Variants in VPS50 observed in about 807,000 individuals in gnomAD.
VPS50 encodes the protein VPS50 subunit of EARP/GARPII complex, also known as syndetin.
VPS50 carries 70 observed loss-of-function variants against 139.7 expected under a neutral mutation model. The ratio of observed to expected loss-of-function variants is 0.50; its 90% confidence interval spans 0.41 to 0.61. The LOEUF is 0.61. Ranked by LOEUF, VPS50 falls within the 20% of genes least tolerant of loss-of-function variation. The probability of loss-of-function intolerance (pLI) is 0.00; values close to 1 mark genes in which losing one functional copy is unlikely to be tolerated. For missense variants in VPS50, 921 were observed against 1,133.7 expected, an observed-to-expected ratio of 0.81 and a Z score of 2.69; for synonymous variants, 365 against 376.7, an observed-to-expected ratio of 0.97 and a Z score of 0.36.
chr7:93,296,733 G>T lies in VPS50; in HGVS notation c.1168-9G>T. The T allele has an allele frequency of 6.3e-7, 1 of 1,598,952 alleles. No homozygotes were observed. ...GGTTTGCTTGATTTTCTTTTTCTTT[G>T]CCTTACAGGATGTTCAGCTAAAAGT... On this transcript the variant is annotated splice_polypyrimidine_tract_variant and intron_variant, in intron 14 of 27. Transcript: ENST00000305866.
intron 18 of VPS50, among the ~76,000 whole-genome samples, chr7:93,307,936 T>C (rs1316819296): frequency 1.3e-5 from 2 of 151,948 alleles, no homozygotes; most frequent in African/African-American, 4.8e-5. Context: ...TTCCATGTTG[T>C]TATCATACTG....
intron 9 of VPS50, among the ~76,000 whole-genome samples, chr7:93,265,919 C>G (rs556952467): frequency 2.6e-4 from 40 of 152,254 alleles, no homozygotes; most frequent in African/African-American, 8.7e-4. Context: ...AGACAGACAT[C>G]TAGTTAGATC....
chr7:93,271,407 A>G, intron 10 of VPS50, 145 bp downstream of exon 10: 1 of 1,292,296 alleles, frequency 7.7e-7, no homozygotes, highest in African/African-American at 1.5e-5. Context: ...TGGAATATCT[A>G]TTTATGGTCA....
In VPS50 at chr7:93,274,591, A is replaced by G. The variant is rs1221823564; in HGVS notation, c.802-1574A>G. On this transcript the variant is annotated intron_variant, in intron 11 of 27. Transcript: ENST00000305866. ...ATTTCTGTCTATTGACAATGTACCT[A>G]GTCCCCCATGACTTTGATGGAGATA... is the stretch of plus-strand genomic sequence containing the variant. Among the ~76,000 whole-genome samples, 4 of 152,134 alleles carry G rather than the reference A, an allele frequency of 2.6e-5. No homozygotes were observed. In the East Asian group the frequency reaches 7.7e-4, roughly 29 times the overall value.
intron 22 of VPS50, among the ~76,000 whole-genome samples, chr7:93,339,608 A>T (rs1798158647): frequency 6.6e-6 from 1 of 152,120 alleles, no homozygotes. Flanking sequence ...TTTGCATTTA[A>T]ACATTTAGTT....
intron 21 of VPS50, among the ~76,000 whole-genome samples, chr7:93,326,443 A>G (rs1284590533): frequency 1.5e-5 from 2 of 130,826 alleles, no homozygotes; most frequent in Non-Finnish European, 3.2e-5. Flanking sequence ...AACTTAAAGT[A>G]TAATAATAAT....
intron 9 of VPS50, among the ~76,000 whole-genome samples, chr7:93,261,315 G>C (rs1460786856): frequency 2.4e-4 from 36 of 152,150 alleles, no homozygotes; most frequent in Admixed American, 2.4e-3. Flanking sequence ...AGTGTAATCA[G>C]TATAATCCTT....
At position 93,254,377 on chromosome 7, in the gene VPS50, C is replaced by T. The variant is rs185805558; in HGVS notation, c.297+446C>T. On this transcript the variant is annotated intron_variant, in intron 4 of 27. Coordinates refer to ENST00000305866, the MANE Select transcript of VPS50 (RefSeq NM_017667.4). ...CTCTCCCTCCTGGACTCAAATAATC[C>T]TCTCACCTCAGCCTCCTGAGTAGTT... Among the ~76,000 whole-genome samples the T allele has an allele frequency of 1.2e-4, 19 of 152,272 alleles. No individual in the cohort carries two copies. In the East Asian group the frequency reaches 3.5e-3, roughly 28 times the overall value.
At chr7:93,346,152 A>G (rs940176118) in intron 23 of VPS50, among the ~76,000 whole-genome samples, 2 of 152,208 alleles carry the variant, frequency 1.3e-5, no homozygotes, top group African/African-American at 2.4e-5. Context: ...AAATCAATGT[A>G]CAAAAATCAC....
In VPS50 at chr7:93,259,580, T is replaced by C. The variant is rs759849081; in HGVS notation, c.607T>C (p.Cys203Arg). Residue 203 changes from cysteine (C) to arginine (R), a missense_variant, in exon 9 of 28, where the codon TGC becomes CGC. By Grantham distance (180) the Cys-to-Arg change is radical (BLOSUM62 -3). Transcript: ENST00000305866. ...EEDYPGAIQL[C>R]LECQKAASTF... ...AGATTATCCAGGAGCTATTCAGTTG[T>C]GCCTTGAATGTCAAAAAGCTGCCAG... 1 of 1,597,586 alleles carries C rather than the reference T, an allele frequency of 6.3e-7. No individual in the cohort carries two copies. The highest frequency in any genetic ancestry group is 8.6e-7 in the Non-Finnish European group (1 of 1,165,446).
At chr7:93,261,627 G>A (rs551409872) in intron 9 of VPS50, among the ~76,000 whole-genome samples, 49 of 144,324 alleles carry the variant, frequency 3.4e-4, no homozygotes, top group Non-Finnish European at 6.0e-4. Context: ...GCAGTGAGCC[G>A]AGATTGCGCC....
intron 8 of VPS50, 184 bp from the exon 9 acceptor site, chr7:93,259,366 A>G: frequency 2.3e-6 from 1 of 443,940 alleles, no homozygotes; most frequent in Non-Finnish European, 4.0e-6. Flanking sequence ...CTATGTATAT[A>G]TTTTAGGCCT....
Position 93,258,528 on chromosome 7 carries a change from C to T in VPS50, c.576+136C>T, listed in dbSNP as rs773550941. On this transcript the variant is annotated intron_variant, in intron 8 of 27. Coordinates refer to ENST00000305866, the MANE Select transcript of VPS50 (RefSeq NM_017667.4). ...TTTTTAGACATGTAAGATTTTTAGA[C>T]GTCAAAGATTCTTGCTCTGGAGCCT... The T allele has an allele frequency of 4.1e-4, 271 of 666,902 alleles. 1 individual carries two copies. The highest frequency in any genetic ancestry group is 3.3e-3 in the Middle Eastern group (8 of 2,446). 41.3% of individuals were successfully genotyped at this position (666,902 alleles called of 1,614,324 possible).
chr7:93,244,665 G>A (rs920158425), intron 2 of VPS50, among the ~76,000 whole-genome samples: 2 of 151,798 alleles, frequency 1.3e-5, no homozygotes, highest in Non-Finnish European at 2.9e-5. Context: ...TTGCATATTG[G>A]TGTCTGTATT....
Position 93,354,469 on chromosome 7 carries a change from T to G in VPS50, c.2585+708T>G, listed in dbSNP as rs374416884. On this transcript the variant is annotated intron_variant, in intron 26 of 27. Transcript: ENST00000305866. ...CCACCATGCCCACTAATTTTTTGTATTTTTAGTAGAGATGGGGTTTCACCA... is the reference window on the plus strand; with the variant it reads ...CCACCATGCCCACTAATTTTTTGTAGTTTTAGTAGAGATGGGGTTTCACCA... Among the ~76,000 whole-genome samples, 10 of 152,116 alleles carry G rather than the reference T, an allele frequency of 6.6e-5. No individual in the cohort carries two copies. In the South Asian group the frequency reaches 2.1e-3, roughly 32 times the overall value.
chr7:93,342,894 A>G (rs1193169490), intron 23 of VPS50, among the ~76,000 whole-genome samples: 1 of 152,248 alleles, frequency 6.6e-6, no homozygotes, highest in Non-Finnish European at 1.5e-5. Context: ...AAAACAGAGC[A>G]GAAAACCTGG....
intron 20 of VPS50, among the ~76,000 whole-genome samples, chr7:93,322,893 A>C (rs1416744114): frequency 2.0e-5 from 3 of 152,086 alleles, no homozygotes; most frequent in Non-Finnish European, 4.4e-5. Context: ...AGTTTAATTC[A>C]TTGTGTTTTT....
At chr7:93,292,042 G>T (rs1295572913) in intron 13 of VPS50, among the ~76,000 whole-genome samples, 1 of 152,004 alleles carries the variant, frequency 6.6e-6, no homozygotes, top group Non-Finnish European at 1.5e-5. Context: ...GACTTTTTAA[G>T]TGGCACATAG....
intron 1 of VPS50, among the ~76,000 whole-genome samples, chr7:93,232,798 C>T (rs1794676741): frequency 6.6e-6 from 1 of 152,196 alleles, no homozygotes; most frequent in East Asian, 1.9e-4. Context: ...ACAGCCCGAG[C>T]TTCCTTGCAA....
Sources: gnomAD v4.1 joint callset for allele counts (sites outside exome capture counted in the v4.1 genomes callset) on GRCh38, gnomAD v4.1.1 for gene constraint, MANE v1.5 for transcripts, NCBI Gene and HGNC (gene_info 2026-07-23, HGNC 2026-07-21) for gene names.